Variants in TXNRD2 observed in about 807,000 individuals in gnomAD.
TXNRD2 encodes thioredoxin reductase 2, mitochondrial.
Under a neutral mutation model 70.8 loss-of-function variants are expected in TXNRD2, and 67 were observed. The observed-to-expected ratio is 0.95, with a 90% CI of 0.78 to 1.16. The LOEUF is 1.16. TXNRD2 is among the 50% of genes most tolerant of loss of function. TXNRD2 has a pLI of 0.00. For missense variants in TXNRD2, 644 were observed against 719.9 expected (o/e 0.89, Z 1.21); for synonymous variants, 301 against 295.8 (o/e 1.02, Z -0.18).
Position 19,900,183 on chromosome 22 carries a change from C to A in TXNRD2, c.663-1115G>T, listed in dbSNP as rs9617845. On this transcript the variant is annotated intron_variant, in intron 8 of 17. Transcript: ENST00000400521. ...CAGAGCTCTGTTGGCCGGCTGAGCA[C>A]AAGGTGGTTACATGCCTCACTCAGC... Among the ~76,000 whole-genome samples, 508 of 152,310 alleles carry A rather than the reference C, an allele frequency of 3.3e-3. 2 individuals are homozygous for A. The highest frequency in any genetic ancestry group is 0.011 in the African/African-American group (477 of 41,564).
At position 19,891,964 on chromosome 22, in the gene TXNRD2, G is replaced by A. The variant is rs375622685; in HGVS notation, c.949+3443C>T. On this transcript the variant is annotated intron_variant, in intron 11 of 17. Transcript: ENST00000400521. The stretch of plus-strand genomic sequence containing the variant: ...CATGGTCCTCGCCAGCTGCGGCCAG[G>A]CGCCAGGCACACGGGCAACGGGCAG... Among the ~76,000 whole-genome samples, 24 of 152,386 alleles carry A rather than the reference G, an allele frequency of 1.6e-4. No individual in the cohort carries two copies. The East Asian group carries it at 4.4e-3, about 28-fold the overall frequency.
intron 2 of TXNRD2, among the ~76,000 whole-genome samples, chr22:19,920,097 G>T (rs1940840090): frequency 6.6e-6 from 1 of 152,198 alleles, no homozygotes; most frequent in Non-Finnish European, 1.5e-5. Context: ...GGCATTCGCT[G>T]CCTCACTCTC....
chr22:19,941,460 G>A, intron 1 of TXNRD2: 1 of 554,604 alleles, frequency 1.8e-6, no homozygotes, highest in Non-Finnish European at 2.8e-6. Context: ...CACAGGTGCA[G>A]TCAGCACAGC....
chr22:19,911,516 G>T, intron 7 of TXNRD2, 69 bp from the exon 8 acceptor site: 1 of 1,225,236 alleles, frequency 8.2e-7, no homozygotes, highest in Non-Finnish European at 1.2e-6. Context: ...CCTTAAAGAG[G>T]ATGCCAGCTT....
intron 1 of TXNRD2, chr22:19,932,585 T>C: frequency 1.4e-6 from 2 of 1,448,892 alleles, no homozygotes; most frequent in Admixed American, 4.7e-5. Flanking sequence ...GCCAACTCCC[T>C]GCTGAAGGAA....
chr22:19,933,928 G>A (rs1055805783), intron 1 of TXNRD2, among the ~76,000 whole-genome samples: 1 of 152,180 alleles, frequency 6.6e-6, no homozygotes, highest in Non-Finnish European at 1.5e-5. Flanking sequence ...CTGACATATT[G>A]TCCATTAATT....
chr22:19,893,420 G>A (rs1601406118), intron 11 of TXNRD2, among the ~76,000 whole-genome samples: 1 of 152,250 alleles, frequency 6.6e-6, no homozygotes, highest in African/African-American at 2.4e-5. Context: ...TAGGACATCT[G>A]AGCAGGCATG....
intron 11 of TXNRD2, among the ~76,000 whole-genome samples, chr22:19,892,900 A>G (rs1939330387): frequency 6.6e-6 from 1 of 152,236 alleles, no homozygotes; most frequent in Non-Finnish European, 1.5e-5. Flanking sequence ...AGTGTTTATC[A>G]TAATAAACTT....
intron 8 of TXNRD2, among the ~76,000 whole-genome samples, chr22:19,909,838 C>CA (rs1491098236): frequency 3.4e-5 from 2 of 58,840 alleles, no homozygotes; most frequent in African/African-American, 1.6e-4. Flanking sequence ...ACCACACACA[C>CA]CCACACCCTT....
chr22:19,888,426 C>T (rs1042409118), intron 11 of TXNRD2, among the ~76,000 whole-genome samples: 2 of 152,224 alleles, frequency 1.3e-5, no homozygotes, highest in African/African-American at 4.8e-5. Context: ...GACGGCCAGC[C>T]GCATGCAGTA....
At chr22:19,903,029 T>C (rs1939846668) in intron 8 of TXNRD2, 4 of 518,612 alleles carry the variant, frequency 7.7e-6, no homozygotes, top group South Asian at 5.6e-5. Context: ...AAAAACACTC[T>C]GCCTCTTGGA....
intron 2 of TXNRD2, among the ~76,000 whole-genome samples, chr22:19,920,306 G>A (rs965541843): frequency 2.0e-5 from 3 of 152,222 alleles, no homozygotes; most frequent in Admixed American, 6.5e-5. Flanking sequence ...GACCGGGCAT[G>A]GTGGCTCACA....
At chr22:19,893,580 C>G (rs1939360560) in intron 11 of TXNRD2, among the ~76,000 whole-genome samples, 2 of 152,222 alleles carry the variant, frequency 1.3e-5, no homozygotes, top group Non-Finnish European at 2.9e-5. Context: ...TCCCGTCAGA[C>G]AGCCCCGGCC....
At position 19,916,178 on chromosome 22, in the gene TXNRD2, C is replaced by T. The variant is rs1054586367; in HGVS notation, c.450-335G>A. On this transcript the variant is annotated intron_variant, in intron 5 of 17. Coordinates refer to ENST00000400521, the MANE Select transcript of TXNRD2 (RefSeq NM_006440.5). Reference sequence around the variant, plus strand: ...TCTCTTGGGGACAGTCCTCATCACCCGGACATGTTCCAGCAGGGAGCTGTG... The same window carrying T: ...TCTCTTGGGGACAGTCCTCATCACCTGGACATGTTCCAGCAGGGAGCTGTG... The T allele has an allele frequency of 7.6e-5, 27 of 356,060 alleles. No individual in the cohort carries two copies. The Admixed American group carries it at 9.8e-4, about 13-fold the overall frequency. 22.1% of individuals were successfully genotyped at this position (356,060 alleles called of 1,614,324 possible).
At chr22:19,876,992 C>T in intron 17 of TXNRD2, 48 bp downstream of exon 17, 1 of 1,371,984 alleles carries the variant, frequency 7.3e-7, no homozygotes, top group Non-Finnish European at 9.7e-7. Flanking sequence ...GCTCCTGCAC[C>T]CCTGCCACAT....
intron 8 of TXNRD2, among the ~76,000 whole-genome samples, chr22:19,907,177 CACCA>C (rs1489602364): frequency 8.9e-4 from 82 of 92,596 alleles, no homozygotes; most frequent in East Asian, 1.2e-3. Flanking sequence ...AGTGTGGGCG[CACCA>C]TGAGTAGCAG....
At chr22:19,922,280 C>T (rs905370060) in intron 2 of TXNRD2, among the ~76,000 whole-genome samples, 4 of 152,206 alleles carry the variant, frequency 2.6e-5, no homozygotes, top group Admixed American at 2.6e-4. Context: ...TATTTCCTTG[C>T]TTAGATGCCT....
chr22:19,912,023 A>G (rs1403244077), intron 7 of TXNRD2, among the ~76,000 whole-genome samples: 1 of 152,180 alleles, frequency 6.6e-6, no homozygotes, highest in East Asian at 1.9e-4. Context: ...TGAGGTGGGC[A>G]GGGACTGAGG....
chr22:19,885,207 C>T (rs1005362549), intron 11 of TXNRD2, among the ~76,000 whole-genome samples: 2 of 152,226 alleles, frequency 1.3e-5, no homozygotes, highest in African/African-American at 4.8e-5. Flanking sequence ...CAGCTTTTCC[C>T]TCCCAACCCC....
Sources: gnomAD v4.1 joint callset for allele counts (sites outside exome capture counted in the v4.1 genomes callset) on GRCh38, gnomAD v4.1.1 for gene constraint, MANE v1.5 for transcripts, NCBI Gene and HGNC (gene_info 2026-07-23, HGNC 2026-07-21) for gene names.